Variants in SEPTIN11 observed in about 807,000 individuals in gnomAD.
SEPTIN11 encodes the protein septin-11.
Under a neutral mutation model 51.4 loss-of-function variants are expected in SEPTIN11, and 25 were observed. That is an observed-to-expected ratio of 0.49 (90% confidence interval 0.35 to 0.68). SEPTIN11 has a LOEUF of 0.68. SEPTIN11 is among the 30% of genes least tolerant of loss of function. SEPTIN11 has a pLI of 0.00. For synonymous variants in SEPTIN11, 174 were observed against 184.1 expected (o/e 0.95, Z 0.44); for missense variants, 381 against 520.8 (o/e 0.73, Z 2.61).
In SEPTIN11 at chr4:77,005,770, T is replaced by C. The variant is rs767374867; in HGVS notation, c.312T>C (p.Phe104=). 1 of 1,613,872 alleles carries C rather than the reference T, an allele frequency of 6.2e-7. No homozygotes were observed. Among genetic ancestry groups the C allele is most frequent in the Non-Finnish European group, 8.5e-7 (1 of 1,179,848 alleles). The change falls in exon 3 of 10, where the codon TTT becomes TTC. Residue 104 remains phenylalanine (F), a synonymous_variant. Transcript: ENST00000264893. ...LKLTIVDTVG[F]GDQINKDDSY... ...TAACCATTGTTGACACCGTGGGATT[T>C]GGAGACCAGATAAATAAAGATGACA...
chr4:77,035,603 A>C lies in SEPTIN11; in HGVS notation c.*1091A>C. The C allele has an allele frequency of 1.0e-6, 1 of 985,480 alleles. No individual in the cohort carries two copies. Among genetic ancestry groups the C allele is most frequent in the Non-Finnish European group, 1.2e-6 (1 of 829,934 alleles). 61.0% of individuals were successfully genotyped at this position (985,480 alleles called of 1,614,324 possible). ...TCAAGAAGGTAGACATTTCATATCCAGCTTCCTTGCTTAGTCTCCTTTCAG... is the reference window on the plus strand; with the variant it reads ...TCAAGAAGGTAGACATTTCATATCCCGCTTCCTTGCTTAGTCTCCTTTCAG... On this transcript the variant is annotated 3_prime_UTR_variant, in exon 10 of 10. Coordinates refer to ENST00000264893, the MANE Select transcript of SEPTIN11 (RefSeq NM_018243.4).
At chr4:76,976,341 T>C (rs1367180897) in intron 1 of SEPTIN11, among the ~76,000 whole-genome samples, 6 of 152,182 alleles carry the variant, frequency 3.9e-5, no homozygotes, top group Admixed American at 2.6e-4. Flanking sequence ...TAACATAAGA[T>C]CCAAGGCTTG....
intron 3 of SEPTIN11, among the ~76,000 whole-genome samples, chr4:77,010,532 A>G (rs754296691): frequency 6.6e-6 from 1 of 152,078 alleles, no homozygotes; most frequent in Non-Finnish European, 1.5e-5. Context: ...AAAATCACCA[A>G]AGAAAAATAT....
chr4:77,039,648 TAAA>T, downstream of SEPTIN11: 1 of 853,816 alleles, frequency 1.2e-6, no homozygotes, highest in Non-Finnish European at 1.4e-6. Context: ...TTGGGGTTTT[TAAA>T]AAAAAAAAAT....
chr4:77,035,155 CTTCAA>C lies in SEPTIN11; in HGVS notation c.*645_*649del. The C allele has an allele frequency of 1.0e-6, 1 of 985,450 alleles. No homozygotes were observed. Among genetic ancestry groups the C allele is most frequent in the Non-Finnish European group, 1.2e-6 (1 of 829,960 alleles). 61.0% of individuals were successfully genotyped at this position (985,450 alleles called of 1,614,324 possible). On this transcript the variant is annotated 3_prime_UTR_variant, in exon 10 of 10. Coordinates refer to ENST00000264893, the MANE Select transcript of SEPTIN11 (RefSeq NM_018243.4). The stretch of plus-strand genomic sequence containing the variant: ...TTTGAAACTGCATCTGAATGCCTGC[CTTCAA>C]TCCTGGCCAAGTTGGAGTAGACTGG...
At chr4:76,968,395 T>C (rs1474717853) in intron 1 of SEPTIN11, among the ~76,000 whole-genome samples, 1 of 152,128 alleles carries the variant, frequency 6.6e-6, no homozygotes, top group African/African-American at 2.4e-5. Context: ...CTGTTAATCC[T>C]TCCCTCTACA....
chr4:77,002,486 G>C lies in SEPTIN11; in HGVS notation c.143-3115G>C, dbSNP rs1027751878. Among the ~76,000 whole-genome samples the C allele has an allele frequency of 3.3e-5, 5 of 152,222 alleles. No individual in the cohort carries two copies. The South Asian group carries it at 6.2e-4, about 19-fold the overall frequency. On this transcript the variant is annotated intron_variant, in intron 2 of 9. Coordinates refer to ENST00000264893, the MANE Select transcript of SEPTIN11 (RefSeq NM_018243.4). Reference sequence around the variant, plus strand: ...TCCCATGAAGGAGAAACTTTTATAGGGCAGATCTGCTTCTGTGCCTTTTGT... The same window carrying C: ...TCCCATGAAGGAGAAACTTTTATAGCGCAGATCTGCTTCTGTGCCTTTTGT...
In SEPTIN11 at chr4:77,020,496, T is replaced by C. The variant is rs1725629228; in HGVS notation, c.785-6T>C. 6 of 1,613,442 alleles carry C rather than the reference T, an allele frequency of 3.7e-6. No individual in the cohort carries two copies. Among genetic ancestry groups the C allele is most frequent in the Non-Finnish European group, 5.1e-6 (6 of 1,179,564 alleles). ...CCACTTCCGCCATTTCCCCCCTCTCTTGTAGTTGAGAATGAAAATCATTGC... is the reference window on the plus strand; with the variant it reads ...CCACTTCCGCCATTTCCCCCCTCTCCTGTAGTTGAGAATGAAAATCATTGC... On this transcript the variant is annotated splice_region_variant and splice_polypyrimidine_tract_variant and intron_variant, in intron 6 of 9. Coordinates refer to ENST00000264893, the MANE Select transcript of SEPTIN11 (RefSeq NM_018243.4).
chr4:77,014,781 G>C (rs1288919014), intron 4 of SEPTIN11, 75 bp from the exon 5 acceptor site: 1 of 1,457,912 alleles, frequency 6.9e-7, no homozygotes, highest in Non-Finnish European at 9.4e-7. Context: ...ATTTTTATTT[G>C]TTTGCTATGT....
chr4:76,989,595 C>T (rs890534083), intron 1 of SEPTIN11, among the ~76,000 whole-genome samples: 14 of 152,210 alleles, frequency 9.2e-5, no homozygotes, highest in Non-Finnish European at 1.9e-4. Flanking sequence ...TTGTTAATTT[C>T]AGTAGACCCA....
intron 1 of SEPTIN11, among the ~76,000 whole-genome samples, chr4:76,966,339 T>C (rs1248863193): frequency 1.3e-5 from 2 of 152,240 alleles, no homozygotes; most frequent in Admixed American, 6.5e-5. Context: ...TTGGTCAAAT[T>C]AGTTATCCTG....
downstream of SEPTIN11, chr4:77,038,626 C>T: frequency 3.0e-6 from 3 of 994,778 alleles, no homozygotes; most frequent in Non-Finnish European, 3.6e-6. Flanking sequence ...TTTGTGTGCC[C>T]TTTTTTGTGA....
At chr4:76,962,345 GT>G (rs1007588017) in intron 1 of SEPTIN11, among the ~76,000 whole-genome samples, 1 of 152,196 alleles carries the variant, frequency 6.6e-6, no homozygotes, top group Non-Finnish European at 1.5e-5. Context: ...TATAACTAGC[GT>G]TTTAAAAATC....
At position 77,036,944 on chromosome 4, in the gene SEPTIN11, G is replaced by T; in HGVS notation, c.*2432G>T. On this transcript the variant is annotated 3_prime_UTR_variant, in exon 10 of 10. Coordinates refer to ENST00000264893, the MANE Select transcript of SEPTIN11 (RefSeq NM_018243.4). ...TTTTCTTTTCAAGGGGGGCAGGAAG[G>T]TAATGGTTTGAGTAGCCTTTGTTTA... is the stretch of plus-strand genomic sequence containing the variant. 1 of 1,309,602 alleles carries T rather than the reference G, an allele frequency of 7.6e-7. No homozygotes were observed. Among genetic ancestry groups the T allele is most frequent in the Non-Finnish European group, 9.7e-7 (1 of 1,033,512 alleles). 81.1% of individuals were successfully genotyped at this position (1,309,602 alleles called of 1,614,324 possible).
downstream of SEPTIN11, chr4:77,039,480 A>G (rs1727245924): frequency 1.0e-5 from 10 of 985,310 alleles, no homozygotes; most frequent in Non-Finnish European, 1.2e-5. Context: ...GGGGGCCACC[A>G]CACCCAGGGC....
chr4:76,983,063 G>T (rs968651082), intron 1 of SEPTIN11, among the ~76,000 whole-genome samples: 1 of 152,076 alleles, frequency 6.6e-6, no homozygotes, highest in Non-Finnish European at 1.5e-5. Flanking sequence ...GGCAGAATCC[G>T]AAAATGGCCC....
intron 9 of SEPTIN11, chr4:77,031,201 G>C: frequency 2.2e-6 from 1 of 460,698 alleles, no homozygotes; most frequent in Non-Finnish European, 3.8e-6. Flanking sequence ...CAGGCCTGGA[G>C]GAACCTGTTG....
At chr4:77,018,704 G>T (rs1046474399) in intron 5 of SEPTIN11, among the ~76,000 whole-genome samples, 1 of 151,714 alleles carries the variant, frequency 6.6e-6, no homozygotes. Flanking sequence ...ATCTACCTTG[G>T]TCTTTTTCAG....
At chr4:77,014,712 A>AT in intron 4 of SEPTIN11, 144 bp from the exon 5 acceptor site, 2 of 702,688 alleles carry the variant, frequency 2.8e-6, no homozygotes, top group Admixed American at 3.2e-5. Context: ...TTTATGGGGT[A>AT]CATGAGATGT....
Sources: allele counts gnomAD v4.1 joint callset (sites outside exome capture counted in the v4.1 genomes callset), GRCh38; gene constraint gnomAD v4.1.1; transcripts MANE v1.5; gene names NCBI Gene and HGNC (gene_info 2026-07-23, HGNC 2026-07-21).